ST6GAL1: variants seen among roughly 807,000 people sequenced by gnomAD.
ST6GAL1 encodes ST6 beta-galactoside alpha-2,6-sialyltransferase 1.
In ST6GAL1, 20 loss-of-function variants were observed where a neutral mutation model predicts 38.0. The observed-to-expected ratio is 0.53, with a 90% CI of 0.37 to 0.77. The LOEUF is 0.77. Among genes scored for constraint, ST6GAL1 ranks in the 30% least tolerant of loss-of-function variants. The pLI, the probability that ST6GAL1 is intolerant of heterozygous loss-of-function variation, is 0.00. For missense variants in ST6GAL1, 432 were observed against 496.4 expected (o/e 0.87, Z 1.23); for synonymous variants, 196 against 188.2 (o/e 1.04, Z -0.34).
At chr3:186,997,721 C>G (rs527361024) in intron 2 of ST6GAL1, among the ~76,000 whole-genome samples, 2 of 151,038 alleles carry the variant, frequency 1.3e-5, no homozygotes, top group Non-Finnish European at 2.9e-5. Context: ...GGAATCATTG[C>G]GCTCCAGCCT....
intron 2 of ST6GAL1, among the ~76,000 whole-genome samples, chr3:187,022,750 T>C (rs2108566395): frequency 6.6e-6 from 1 of 152,328 alleles, no homozygotes; most frequent in South Asian, 2.1e-4. Context: ...GTCAAAGAAA[T>C]GTATTTTGGG....
chr3:187,009,413 C>T (rs949296326), intron 2 of ST6GAL1, among the ~76,000 whole-genome samples: 4 of 152,024 alleles, frequency 2.6e-5, no homozygotes, highest in African/African-American at 4.8e-5. Context: ...TGCTAGGTAA[C>T]GGATACATGG....
At chr3:186,941,432 T>C (rs892333244) in intron 1 of ST6GAL1, among the ~76,000 whole-genome samples, 2 of 152,156 alleles carry the variant, frequency 1.3e-5, no homozygotes, top group African/African-American at 4.8e-5. Flanking sequence ...TGGATGACAG[T>C]GGCTTAGGAC....
intron 2 of ST6GAL1, among the ~76,000 whole-genome samples, chr3:186,999,037 A>C (rs74587907): frequency 0.018 from 2,772 of 152,356 alleles, 85 homozygotes; most frequent in African/African-American, 0.062. Context: ...GCCAACTGCC[A>C]GCCGACCAGG....
intron 4 of ST6GAL1, among the ~76,000 whole-genome samples, chr3:187,045,863 C>T (rs6780016): frequency 0.39 from 59,985 of 152,054 alleles, 14,714 homozygotes; most frequent in African/African-American, 0.7. Context: ...AAAGGCTGCA[C>T]GGGGAAAAGT....
rs746281001 is a variant in ST6GAL1, at chr3:187,043,187, A to G, written c.484A>G (p.Thr162Ala). Reference protein sequence around the residue: ...MVEVTDFPFNTSEWEGYLPKE... With the variant: ...MVEVTDFPFNASEWEGYLPKE... ...AGAGGTCACAGATTTTCCCTTCAATACCTCTGAATGGGAGGGTTATCTGCC... is the reference window on the plus strand; with the variant it reads ...AGAGGTCACAGATTTTCCCTTCAATGCCTCTGAATGGGAGGGTTATCTGCC... The change falls in exon 4 of 8, where the codon ACC (threonine) becomes GCC (alanine). Residue 162 changes from threonine (T) to alanine (A), a missense_variant. Coordinates refer to ENST00000169298, the MANE Select transcript of ST6GAL1 (RefSeq NM_173216.2). 6.2e-7 allele frequency: 1 copy of G among 1,613,956 alleles called. No homozygotes were observed. Among genetic ancestry groups the G allele is most frequent in the Non-Finnish European group, 8.5e-7 (1 of 1,180,022 alleles).
At chr3:187,019,761 G>T (rs1242739506) in intron 2 of ST6GAL1, among the ~76,000 whole-genome samples, 1 of 152,162 alleles carries the variant, frequency 6.6e-6, no homozygotes, top group Non-Finnish European at 1.5e-5. Context: ...GGGGCAACAG[G>T]GTGTCAAGCA....
intron 2 of ST6GAL1, among the ~76,000 whole-genome samples, chr3:187,021,354 A>G (rs978263923): frequency 1.3e-5 from 2 of 152,178 alleles, no homozygotes; most frequent in Admixed American, 6.5e-5. Context: ...GACTTCAGGG[A>G]CAGGCCCTAA....
intron 1 of ST6GAL1, among the ~76,000 whole-genome samples, chr3:186,932,656 G>A (rs1560132481): frequency 1.3e-5 from 2 of 152,184 alleles, no homozygotes; most frequent in African/African-American, 4.8e-5. Context: ...AAAAGCATGG[G>A]CTGTTGACAT....
intron 5 of ST6GAL1, among the ~76,000 whole-genome samples, chr3:187,065,792 A>C (rs2108598036): frequency 6.6e-6 from 1 of 152,294 alleles, no homozygotes; most frequent in Non-Finnish European, 1.5e-5. Flanking sequence ...ATAATAGTTG[A>C]TGCCATTTGT....
chr3:186,974,695 T>C (rs1180489180), intron 2 of ST6GAL1, among the ~76,000 whole-genome samples: 1 of 145,624 alleles, frequency 6.9e-6, no homozygotes, highest in Admixed American at 6.8e-5. Flanking sequence ...ATTAATTAAT[T>C]AATTCAATTA....
chr3:186,989,580 A>G (rs541224740), intron 2 of ST6GAL1, among the ~76,000 whole-genome samples: 1 of 152,168 alleles, frequency 6.6e-6, no homozygotes, highest in East Asian at 1.9e-4. Flanking sequence ...ATGAAGCCCT[A>G]TGCACCATGT....
chr3:186,948,249 G>C (rs1348845629), intron 1 of ST6GAL1, among the ~76,000 whole-genome samples: 1 of 152,236 alleles, frequency 6.6e-6, no homozygotes, highest in Non-Finnish European at 1.5e-5. Context: ...TGCCATGTCT[G>C]GTAGACGCCA....
At chr3:187,071,950 T>A (rs1719395283) in intron 5 of ST6GAL1, 2 of 152,116 alleles carry the variant, frequency 1.3e-5, no homozygotes, top group Admixed American at 1.3e-4. Flanking sequence ...TAATTAACAT[T>A]TACATGCATT....
chr3:186,944,004 G>A (rs1003557579), intron 1 of ST6GAL1, among the ~76,000 whole-genome samples: 1 of 152,190 alleles, frequency 6.6e-6, no homozygotes, highest in South Asian at 2.1e-4. Context: ...CTTTCAACCT[G>A]CCTCATGGTG....
chr3:187,034,943 T>C (rs985090725), intron 2 of ST6GAL1, among the ~76,000 whole-genome samples: 4 of 152,146 alleles, frequency 2.6e-5, no homozygotes, highest in African/African-American at 7.2e-5. Flanking sequence ...GGCATCCAAA[T>C]AGGAAAAGAA....
At chr3:187,014,619 G>A (rs1001086092) in intron 2 of ST6GAL1, among the ~76,000 whole-genome samples, 3 of 152,232 alleles carry the variant, frequency 2.0e-5, no homozygotes, top group African/African-American at 7.2e-5. Context: ...AGTTGGGACT[G>A]TTTTGAGGAC....
chr3:186,977,389 T>G (rs1373780830), intron 2 of ST6GAL1, among the ~76,000 whole-genome samples: 1 of 152,232 alleles, frequency 6.6e-6, no homozygotes, highest in Non-Finnish European at 1.5e-5. Context: ...AGGGAGAATT[T>G]GGACTCAGTG....
At chr3:187,049,585 G>T (rs1718440354) in intron 4 of ST6GAL1, among the ~76,000 whole-genome samples, 1 of 152,214 alleles carries the variant, frequency 6.6e-6, no homozygotes, top group South Asian at 2.1e-4. Flanking sequence ...CCGCTCATCA[G>T]GCCACAGTAG....
Sources: allele counts gnomAD v4.1 joint callset (sites outside exome capture counted in the v4.1 genomes callset), GRCh38; gene constraint gnomAD v4.1.1; transcripts MANE v1.5; gene names NCBI Gene and HGNC (gene_info 2026-07-23, HGNC 2026-07-21).